Variants in SDCCAG8 observed in about 807,000 individuals in gnomAD.
SDCCAG8 encodes the protein SHH signaling and ciliogenesis regulator SDCCAG8, also known as serologically defined colon cancer antigen 8.
Under a neutral mutation model 101.8 loss-of-function variants are expected in SDCCAG8, and 74 were observed. The ratio of observed to expected loss-of-function variants is 0.73; its 90% CI spans 0.60 to 0.88. The LOEUF (loss-of-function observed/expected upper bound fraction) is 0.88. SDCCAG8 is among the 40% of genes least tolerant of loss of function. The pLI is 0.00. For missense variants in SDCCAG8, 787 were observed against 822.6 expected, an observed-to-expected ratio of 0.96 and a Z score of 0.53; for synonymous variants, 281 against 292.9, an observed-to-expected ratio of 0.96 and a Z score of 0.41.
intron 13 of SDCCAG8, among the ~76,000 whole-genome samples, chr1:243,383,201 G>A (rs922850120): frequency 9.9e-5 from 15 of 152,178 alleles, no homozygotes; most frequent in Admixed American, 7.9e-4. Context: ...AGAATGATTC[G>A]AAGAGTATTT....
In SDCCAG8 at chr1:243,439,665, C is replaced by CACACAT. The variant is rs1160954571; in HGVS notation, c.1985+13108_1985+13109insCACATA. On this transcript the variant is annotated intron_variant, in intron 16 of 17. Transcript: ENST00000366541. Reference sequence around the variant, plus strand: ...ACACACACACACACACACACACACACATCATTGGAGCTATTCTGTAGAGAT... The same window carrying CACACAT: ...ACACACACACACACACACACACACACACACATATCATTGGAGCTATTCTGTAGAGAT... Among the ~76,000 whole-genome samples the CACACAT allele has an allele frequency of 1.1e-3, 163 of 151,402 alleles. 1 individual carries two copies. In the East Asian group the frequency reaches 0.026, roughly 24 times the overall value.
chr1:243,430,517 T>C (rs758132041), intron 16 of SDCCAG8, among the ~76,000 whole-genome samples: 44 of 152,188 alleles, frequency 2.9e-4, no homozygotes, highest in South Asian at 8.3e-4. Flanking sequence ...CAATCTTGGC[T>C]CACTGCAAGC....
chr1:243,477,035 GA>G (rs1662580287), intron 16 of SDCCAG8, among the ~76,000 whole-genome samples: 2 of 128,378 alleles, frequency 1.6e-5, no homozygotes, highest in Non-Finnish European at 3.3e-5. Flanking sequence ...CACACACACA[GA>G]GAGAAAGGCA....
rs374144846 is a variant in SDCCAG8 at position 243,432,980 on chromosome 1, G to A, written c.1985+6422G>A. On this transcript the variant is annotated intron_variant, in intron 16 of 17. Transcript: ENST00000366541. ...TTGGAGACGCTGAGGTAGACAAAGT[G>A]CGGCGTATAAGGTTCCTGAGAAGAG... Among the ~76,000 whole-genome samples the A allele has an allele frequency of 2.6e-5, 4 of 152,266 alleles. No homozygotes were observed. In the South Asian group the frequency reaches 6.2e-4, roughly 24 times the overall value.
Position 243,344,197 on chromosome 1 carries a change from T to G in SDCCAG8, c.1357-18T>G. 1 of 1,603,736 alleles carries G rather than the reference T, an allele frequency of 6.2e-7. No homozygotes were observed. Among genetic ancestry groups the G allele is most frequent in the South Asian group, 1.1e-5 (1 of 90,870 alleles). ...TAGATTCCAGCAGGTAATCATCCAG[T>G]TTTTTACAATCTAACAGGTGTGTGG... On this transcript the variant is annotated intron_variant, in intron 11 of 17. Transcript: ENST00000366541.
At chr1:243,464,702 G>A (rs74850118) in intron 16 of SDCCAG8, among the ~76,000 whole-genome samples, 4 of 152,350 alleles carry the variant, frequency 2.6e-5, no homozygotes, top group Non-Finnish European at 5.9e-5. Flanking sequence ...TGTGAGGTGT[G>A]TAGGAAGTAA....
chr1:243,295,996 T>A (rs2070833793), intron 6 of SDCCAG8, among the ~76,000 whole-genome samples: 1 of 152,148 alleles, frequency 6.6e-6, no homozygotes, highest in African/African-American at 2.4e-5. Context: ...TTATTCTTTT[T>A]ATTTTATTTA....
At chr1:243,379,841 G>T (rs2077832578) in intron 13 of SDCCAG8, among the ~76,000 whole-genome samples, 1 of 152,206 alleles carries the variant, frequency 6.6e-6, no homozygotes, top group South Asian at 2.1e-4. Flanking sequence ...AAAGGGGACT[G>T]ATCCCTTTTA....
In SDCCAG8 at chr1:243,283,738, T is replaced by TTTTA. The variant is rs1314227892; in HGVS notation, c.421-2518_421-2515dup. Among the ~76,000 whole-genome samples, 9 of 152,156 alleles carry TTTTA rather than the reference T, an allele frequency of 5.9e-5. No homozygotes were observed. The East Asian group carries it at 1.4e-3, about 23-fold the overall frequency. On this transcript the variant is annotated intron_variant, in intron 4 of 17. Coordinates refer to ENST00000366541, the MANE Select transcript of SDCCAG8 (RefSeq NM_006642.5). ...GACCTTAACATAGTAATCATAATTATTTTATTTATTTATTTATTTTGAGAC... is the reference window on the plus strand; with the variant it reads ...GACCTTAACATAGTAATCATAATTATTTTATTTATTTATTTATTTATTTTGAGAC...
intron 10 of SDCCAG8, chr1:243,339,001 GCGGCAGGAGGGAGCAGACAGC>G (rs1322501520): frequency 1.9e-5 from 3 of 154,240 alleles, no homozygotes; most frequent in African/African-American, 4.9e-5. Flanking sequence ...AGTGGGGTGG[GCGGCAGGAGGGAGCAGACAGC>G]TAGTGGGCAG....
intron 13 of SDCCAG8, among the ~76,000 whole-genome samples, chr1:243,408,565 T>C: frequency 6.6e-6 from 1 of 152,156 alleles, no homozygotes; most frequent in East Asian, 1.9e-4. Flanking sequence ...CACACTCCCA[T>C]ATAGATAATT....
intron 10 of SDCCAG8, chr1:243,338,743 T>G (rs2075187122): frequency 6.6e-6 from 1 of 152,336 alleles, no homozygotes; most frequent in Non-Finnish European, 1.5e-5. Context: ...CACTAGGGAC[T>G]GCTCTGCAGA....
intron 12 of SDCCAG8, among the ~76,000 whole-genome samples, chr1:243,374,903 T>A (rs1389229853): frequency 3.9e-5 from 6 of 152,160 alleles, no homozygotes; most frequent in Non-Finnish European, 8.8e-5. Flanking sequence ...TATTGATGAT[T>A]GTTTAACAGA....
chr1:243,308,077 A>G lies in SDCCAG8; in HGVS notation c.829A>G (p.Asn277Asp), dbSNP rs1558269801. The G allele has an allele frequency of 6.2e-7, 1 of 1,614,204 alleles. No individual in the cohort carries two copies. Among genetic ancestry groups the G allele is most frequent in the Non-Finnish European group, 8.5e-7 (1 of 1,180,016 alleles). ...ATTTCTTCTGGCTGCTAATACTTGT[A>G]ACCGTGTTGGTGGTCTTTGTTTGAA... ...KEFLLAANTC[N>D]RVGGLCLKCA... Residue 277 changes from asparagine to aspartate, a missense_variant, in exon 8 of 18, where the codon AAC (asparagine) becomes GAC (aspartate). Physicochemically the swap from Asn to Asp is conservative, Grantham distance 23 (BLOSUM62 1). Coordinates refer to ENST00000366541, the MANE Select transcript of SDCCAG8 (RefSeq NM_006642.5).
chr1:243,284,138 G>T (rs543856484), intron 4 of SDCCAG8, among the ~76,000 whole-genome samples: 1 of 152,276 alleles, frequency 6.6e-6, no homozygotes, highest in South Asian at 2.1e-4. Context: ...TTTTCAAACT[G>T]TGTTTCAGTC....
At chr1:243,395,066 A>G (rs895641055) in intron 13 of SDCCAG8, among the ~76,000 whole-genome samples, 2 of 152,104 alleles carry the variant, frequency 1.3e-5, no homozygotes, top group African/African-American at 4.8e-5. Context: ...GGAAAAGTGT[A>G]TGTGTGTATC....
At chr1:243,411,876 C>T (rs551622648) in intron 13 of SDCCAG8, among the ~76,000 whole-genome samples, 1 of 152,278 alleles carries the variant, frequency 6.6e-6, no homozygotes, top group Admixed American at 6.5e-5. Flanking sequence ...GTGAATAAAT[C>T]TTTCAGCCCC....
At chr1:243,492,582 G>A (rs1422644035) in intron 17 of SDCCAG8, among the ~76,000 whole-genome samples, 5 of 150,062 alleles carry the variant, frequency 3.3e-5, no homozygotes, top group African/African-American at 1.2e-4. Context: ...GGGATTACAG[G>A]CGTGAGCCAC....
chr1:243,332,066 A>C (rs891619895), intron 10 of SDCCAG8, among the ~76,000 whole-genome samples: 3 of 152,208 alleles, frequency 2.0e-5, no homozygotes, highest in African/African-American at 7.2e-5. Context: ...ATGAATGGAC[A>C]GGTGAAGAGG....
Sources: allele counts gnomAD v4.1 joint callset (sites outside exome capture counted in the v4.1 genomes callset), GRCh38; gene constraint gnomAD v4.1.1; transcripts MANE v1.5; gene names NCBI Gene and HGNC (gene_info 2026-07-23, HGNC 2026-07-21).